The following SMIM31 variants were observed in gnomAD, a reference collection of about 807,000 sequenced individuals.
SMIM31 encodes the protein small integral membrane protein 31.
chr4:164,777,056 A>G (rs13113465), intron 2 of SMIM31, among the ~76,000 whole-genome samples: 76,118 of 152,000 alleles, frequency 0.5, 19,394 homozygotes, highest in South Asian at 0.62. Context: ...GCTATTCATA[A>G]ACCTCCTTCT....
intron 1 of SMIM31, 131 bp downstream of exon 1, chr4:164,754,542 C>T (rs1479306099): frequency 2.5e-5 from 3 of 119,840 alleles, no homozygotes; most frequent in Admixed American, 9.0e-5. Flanking sequence ...ATTGTTCTTT[C>T]CTGGAGGTAT....
At chr4:164,757,993 G>A (rs1732589129) in intron 1 of SMIM31, among the ~76,000 whole-genome samples, 1 of 152,046 alleles carries the variant, frequency 6.6e-6, no homozygotes. Context: ...AGGTTAATCT[G>A]GGAAGCTTAA....
chr4:164,761,088 A>C (rs1732643412), intron 1 of SMIM31, among the ~76,000 whole-genome samples: 1 of 152,200 alleles, frequency 6.6e-6, no homozygotes, highest in Non-Finnish European at 1.5e-5. Flanking sequence ...TAAGCCAAAG[A>C]ATTAAATGCT....
chr4:164,799,043 GC>G (rs1329497187), intron 2 of SMIM31, among the ~76,000 whole-genome samples: 2 of 152,066 alleles, frequency 1.3e-5, no homozygotes, highest in African/African-American at 4.8e-5. Context: ...CCGGTGCCAC[GC>G]TTGGGCAGCC....
intron 1 of SMIM31, among the ~76,000 whole-genome samples, chr4:164,758,091 TA>T (rs151214747): frequency 0.11 from 17,393 of 152,164 alleles, 1,107 homozygotes; most frequent in African/African-American, 0.16. Context: ...TTTGTAGTTT[TA>T]AGTGTATATA....
intron 1 of SMIM31, among the ~76,000 whole-genome samples, chr4:164,763,385 C>G (rs886353802): frequency 1.8e-4 from 28 of 152,094 alleles, no homozygotes; most frequent in African/African-American, 6.5e-4. Flanking sequence ...AAATTGAAAA[C>G]TAAAGTGTAC....
rs1256645416 is a variant in SMIM31, at chr4:164,801,458, G to A, written c.*264G>A. ...ATACAAAAAAAAAAAGACCAAAGTG[G>A]TTACAATAATAAAATAGAACACAGA... is the stretch of plus-strand genomic sequence containing the variant. On this transcript the variant is annotated 3_prime_UTR_variant, in exon 3 of 3. Transcript: ENST00000507311. 2 of 273,844 alleles carry A rather than the reference G, an allele frequency of 7.3e-6. No homozygotes were observed. Among genetic ancestry groups the A allele is most frequent in the South Asian group, 1.7e-4 (1 of 5,954 alleles). The allele number at this position is 273,844 out of a possible 1,614,324, so 17.0% of individuals were successfully genotyped here.
At chr4:164,794,097 C>T (rs1437754304) in intron 2 of SMIM31, among the ~76,000 whole-genome samples, 1 of 152,178 alleles carries the variant, frequency 6.6e-6, no homozygotes, top group East Asian at 1.9e-4. Flanking sequence ...AGGCAACCTG[C>T]CAGGCACAGT....
chr4:164,756,785 GT>G (rs1235896117), intron 1 of SMIM31, among the ~76,000 whole-genome samples: 1 of 151,994 alleles, frequency 6.6e-6, no homozygotes, highest in African/African-American at 2.4e-5. Flanking sequence ...TTAATGTTGA[GT>G]AGGATTCCAT....
chr4:164,795,346 T>C (rs923663661), intron 2 of SMIM31, among the ~76,000 whole-genome samples: 2 of 151,996 alleles, frequency 1.3e-5, no homozygotes, highest in Non-Finnish European at 2.9e-5. Context: ...TCACCTGAGG[T>C]CAGGAGTTCG....
chr4:164,760,111 A>G (rs1579059590), intron 1 of SMIM31, among the ~76,000 whole-genome samples: 1 of 152,234 alleles, frequency 6.6e-6, no homozygotes, highest in South Asian at 2.1e-4. Flanking sequence ...TAGTGCACCT[A>G]GAATGGAGGA....
At chr4:164,772,316 G>A (rs1732814818) in intron 2 of SMIM31, among the ~76,000 whole-genome samples, 1 of 152,108 alleles carries the variant, frequency 6.6e-6, no homozygotes, top group Admixed American at 6.5e-5. Context: ...AAGGGACATG[G>A]TGTTAAATCA....
chr4:164,754,551 A>ATGTT, intron 1 of SMIM31, 140 bp downstream of exon 1: 1 of 55,620 alleles, frequency 1.8e-5, no homozygotes. Context: ...TCCTGGAGGT[A>ATGTT]TTTTTTTTTT....
At position 164,801,353 on chromosome 4, in the gene SMIM31, G is replaced by A. The variant is rs561978604; in HGVS notation, c.*159G>A. The A allele has an allele frequency of 1.0e-5, 4 of 383,530 alleles. No homozygotes were observed. The highest frequency in any genetic ancestry group is 8.3e-5 in the African/African-American group (4 of 48,244). The allele number at this position is 383,530 out of a possible 1,614,324, so 23.8% of individuals were successfully genotyped here. On this transcript the variant is annotated 3_prime_UTR_variant, in exon 3 of 3. Coordinates refer to ENST00000507311, the MANE Select transcript of SMIM31 (RefSeq NM_001352885.1). ...AACCATTAATGAACTCAATACTCGG[G>A]AAAGGCTTCACATTTCTGGGACTCA... is the stretch of plus-strand genomic sequence containing the variant.
chr4:164,774,110 G>A (rs1421711528), intron 2 of SMIM31, among the ~76,000 whole-genome samples: 1 of 149,520 alleles, frequency 6.7e-6, no homozygotes, highest in African/African-American at 2.5e-5. Flanking sequence ...AGCATGCCGT[G>A]AGCTGAGATT....
intron 2 of SMIM31, among the ~76,000 whole-genome samples, chr4:164,796,178 G>A (rs1376211713): frequency 6.6e-6 from 1 of 152,102 alleles, no homozygotes; most frequent in Non-Finnish European, 1.5e-5. Flanking sequence ...TTGGCCGGGT[G>A]GTGTTCAAAC....
At chr4:164,771,673 G>T (rs1488760373) in intron 2 of SMIM31, among the ~76,000 whole-genome samples, 1 of 152,206 alleles carries the variant, frequency 6.6e-6, no homozygotes, top group African/African-American at 2.4e-5. Context: ...GCTGGGCTTG[G>T]TAGCACGCAC....
intron 1 of SMIM31, among the ~76,000 whole-genome samples, chr4:164,765,624 GAAA>G (rs200574845): frequency 0.019 from 1,750 of 94,504 alleles, 29 homozygotes; most frequent in African/African-American, 0.056. Flanking sequence ...CTTTGTCTCA[GAAA>G]AAAAAAAAAA....
intron 2 of SMIM31, among the ~76,000 whole-genome samples, chr4:164,780,695 G>T (rs904080695): frequency 6.6e-6 from 1 of 152,186 alleles, no homozygotes; most frequent in African/African-American, 2.4e-5. Context: ...CAGAAAATGT[G>T]CATTAAATTC....
Sources: allele counts gnomAD v4.1 joint callset (sites outside exome capture counted in the v4.1 genomes callset), GRCh38; gene constraint gnomAD v4.1.1; transcripts MANE v1.5; gene names NCBI Gene and HGNC (gene_info 2026-07-23, HGNC 2026-07-21).